The following CTBS variants were observed in gnomAD, a reference collection of about 807,000 sequenced individuals.
CTBS encodes chitobiase, also known as di-N-acetylchitobiase.
A neutral mutation model predicts 44.3 loss-of-function variants in CTBS; 35 were observed. That is an observed-to-expected ratio of 0.79 (90% CI 0.60 to 1.05). The LOEUF (loss-of-function observed/expected upper bound fraction) is 1.05. CTBS is among the 50% of genes least tolerant of loss of function. The pLI is 0.00. For missense variants in CTBS, 458 were observed against 475.3 expected (o/e 0.96, Z 0.34); for synonymous variants, 143 against 168.0 (o/e 0.85, Z 1.15).
intron 3 of CTBS, among the ~76,000 whole-genome samples, chr1:84,566,652 G>A (rs1230315566): frequency 1.3e-5 from 2 of 152,034 alleles, no homozygotes; most frequent in Non-Finnish European, 2.9e-5. Flanking sequence ...TTTTTGGGGG[G>A]GATGGAGTCT....
At chr1:84,573,924 C>G in intron 1 of CTBS, 1 of 1,262,512 alleles carries the variant, frequency 7.9e-7, no homozygotes, top group Non-Finnish European at 1.0e-6. Flanking sequence ...ACCTTGTTTG[C>G]TTTTTACACC....
chr1:84,563,350 C>G lies in CTBS; in HGVS notation c.864G>C (p.Gln288His), dbSNP rs373912484. The change falls in exon 6 of 7, where the codon CAG (glutamine) becomes CAC (histidine). Residue 288 changes from glutamine to histidine, a missense_variant. Coordinates refer to ENST00000370630, the MANE Select transcript of CTBS (RefSeq NM_004388.3). ...GCTTCATGATCGTTTTGTAGGGCACCTGACGTCCTGCAGCGTCACTACAAG... is the reference window on the plus strand; with the variant it reads ...GCTTCATGATCGTTTTGTAGGGCACGTGACGTCCTGCAGCGTCACTACAAG... Reference protein sequence around the residue: ...GAPCSDAAGRQVPYKTIMKQI... With the variant: ...GAPCSDAAGRHVPYKTIMKQI... The G allele has an allele frequency of 3.2e-5, 51 of 1,598,230 alleles. No individual in the cohort carries two copies. The highest frequency in any genetic ancestry group is 1.7e-4 in the Admixed American group (10 of 57,348).
intron 4 of CTBS, among the ~76,000 whole-genome samples, chr1:84,564,215 C>T (rs1684646425): frequency 6.6e-6 from 1 of 152,066 alleles, no homozygotes; most frequent in Non-Finnish European, 1.5e-5. Flanking sequence ...AACTTTCTAG[C>T]AGTGATGGTC....
intron 2 of CTBS, 66 bp from the exon 3 acceptor site, chr1:84,570,205 G>T: frequency 7.4e-7 from 1 of 1,356,686 alleles, no homozygotes. Context: ...GGAAGACTAA[G>T]CCCTTAACTG....
At chr1:84,556,415 A>C (rs2102016064) in intron 6 of CTBS, among the ~76,000 whole-genome samples, 1 of 152,262 alleles carries the variant, frequency 6.6e-6, no homozygotes, top group South Asian at 2.1e-4. Flanking sequence ...ATAGTCTCTT[A>C]AGATGACCAC....
At chr1:84,573,884 C>G (rs756953986) in intron 1 of CTBS, 84 of 1,124,378 alleles carry the variant, frequency 7.5e-5, no homozygotes, top group Non-Finnish European at 8.8e-5. Context: ...ACGAAATCCT[C>G]GTTCCTTGGA....
chr1:84,562,182 G>A (rs1248217378), intron 6 of CTBS, among the ~76,000 whole-genome samples: 2 of 152,148 alleles, frequency 1.3e-5, no homozygotes, highest in African/African-American at 2.4e-5. Flanking sequence ...TCCAAGAGGG[G>A]CGTACAGTAT....
intron 4 of CTBS, among the ~76,000 whole-genome samples, chr1:84,564,223 G>A (rs1558628432): frequency 6.6e-6 from 1 of 152,078 alleles, no homozygotes; most frequent in Admixed American, 6.5e-5. Flanking sequence ...AGCAGTGATG[G>A]TCTCAGAGTT....
intron 2 of CTBS, 30 bp from the exon 3 acceptor site, chr1:84,570,169 T>C: frequency 1.3e-6 from 2 of 1,563,380 alleles, no homozygotes; most frequent in Admixed American, 1.8e-5. Context: ...CTTTTGAACA[T>C]GTATGCAAAA....
rs867745207 is a variant in CTBS at position 84,550,562 on chromosome 1, T to G, written c.*4437A>C. 25 of 1,475,060 alleles carry G rather than the reference T, an allele frequency of 1.7e-5. 1 individual carries two copies. The highest frequency in any genetic ancestry group is 4.2e-5 in the South Asian group (3 of 71,022). The allele number at this position is 1,475,060 out of a possible 1,614,324, so 91.4% of individuals were successfully genotyped here. ...TACATTTTTCCTAATCAGATTATTA[T>G]AACATTTATCTTGAAATAAAATATT... On this transcript the variant is annotated 3_prime_UTR_variant, in exon 7 of 7. Transcript: ENST00000370630.
In CTBS at chr1:84,563,829, T is replaced by C. The variant is rs756882316; in HGVS notation, c.701A>G (p.Tyr234Cys). 4 of 1,602,862 alleles carry C rather than the reference T, an allele frequency of 2.5e-6. No individual in the cohort carries two copies. The highest frequency in any genetic ancestry group is 2.6e-6 in the Non-Finnish European group (3 of 1,174,490). Reference sequence around the variant, plus strand: ...AATGCTCATCTTGATGTAGTCATTATATCCTAGTCAAGCAGGAGAGAAAAA... The same window carrying C: ...AATGCTCATCTTGATGTAGTCATTACATCCTAGTCAAGCAGGAGAGAAAAA... Reference protein sequence around the residue: ...NAPYNQTLTGYNDYIKMSINP... With the variant: ...NAPYNQTLTGCNDYIKMSINP... The change falls in exon 5 of 7, where the codon TAT becomes TGT. Residue 234 changes from tyrosine (Y) to cysteine (C), a missense_variant. Coordinates refer to ENST00000370630, the MANE Select transcript of CTBS (RefSeq NM_004388.3).
chr1:84,574,026 A>G, intron 1 of CTBS: 1 of 1,401,500 alleles, frequency 7.1e-7, no homozygotes, highest in East Asian at 2.7e-5. Context: ...CTACGCAGGC[A>G]CTTACAGGCT....
chr1:84,557,589 C>T (rs915585109), intron 6 of CTBS, among the ~76,000 whole-genome samples: 1 of 146,926 alleles, frequency 6.8e-6, no homozygotes. Flanking sequence ...GGCGCGGTGG[C>T]TCACACCTAT....
chr1:84,550,517 T>C lies in CTBS; in HGVS notation c.*4482A>G, dbSNP rs764062707. On this transcript the variant is annotated 3_prime_UTR_variant, in exon 7 of 7. Coordinates refer to ENST00000370630, the MANE Select transcript of CTBS (RefSeq NM_004388.3). ...CTAGATACTGACAAAATGAAACTCA[T>C]AGTAGAAGTTAAGGTAATTTACATT... is the stretch of plus-strand genomic sequence containing the variant. 6 of 1,541,494 alleles carry C rather than the reference T, an allele frequency of 3.9e-6. No individual in the cohort carries two copies. The highest frequency in any genetic ancestry group is 1.2e-5 in the South Asian group (1 of 80,058).
chr1:84,568,224 T>C (rs1684733445), intron 3 of CTBS, among the ~76,000 whole-genome samples: 1 of 152,246 alleles, frequency 6.6e-6, no homozygotes, highest in Non-Finnish European at 1.5e-5. Flanking sequence ...CACTACAGCT[T>C]AATCAGGATT....
At chr1:84,557,533 CAAAAAA>C (rs56101174) in intron 6 of CTBS, among the ~76,000 whole-genome samples, 1 of 55,438 alleles carries the variant, frequency 1.8e-5, no homozygotes, top group South Asian at 7.2e-4. Flanking sequence ...AACTCCATCT[CAAAAAA>C]AAAAAAAAAA....
intron 1 of CTBS, 21 bp downstream of exon 1, chr1:84,574,218 G>C: frequency 6.2e-7 from 1 of 1,601,322 alleles, no homozygotes; most frequent in Non-Finnish European, 8.5e-7. Flanking sequence ...CAGACCTAGA[G>C]GAGCAGAGGA....
At chr1:84,570,771 A>G (rs935113311) in intron 1 of CTBS, 51 bp from the exon 2 acceptor site, 1 of 1,570,964 alleles carries the variant, frequency 6.4e-7, no homozygotes, top group Admixed American at 1.7e-5. Context: ...TATTATGCTG[A>G]CCGTCCAAAA....
Position 84,563,248 on chromosome 1 carries a change from A to G in CTBS, c.957+9T>C. ...AGAATAAATGCTCATAACTTACGAAAAGTCTTACTTTATAGTTATAATAAG... is the reference window on the plus strand; with the variant it reads ...AGAATAAATGCTCATAACTTACGAAGAGTCTTACTTTATAGTTATAATAAG... On this transcript the variant is annotated intron_variant, in intron 6 of 6. Coordinates refer to ENST00000370630, the MANE Select transcript of CTBS (RefSeq NM_004388.3). 6.9e-7 allele frequency: 1 copy of G among 1,450,984 alleles called. No homozygotes were observed. Among genetic ancestry groups the G allele is most frequent in the Non-Finnish European group, 9.1e-7 (1 of 1,093,316 alleles). 89.9% of individuals were successfully genotyped at this position (1,450,984 alleles called of 1,614,324 possible).
Sources: allele counts gnomAD v4.1 joint callset (sites outside exome capture counted in the v4.1 genomes callset), GRCh38; gene constraint gnomAD v4.1.1; transcripts MANE v1.5; gene names NCBI Gene and HGNC (gene_info 2026-07-23, HGNC 2026-07-21).